Variants in LTF observed in about 807,000 individuals in gnomAD.
LTF encodes the protein epididymis luminal protein 110.
A neutral mutation model predicts 87.2 loss-of-function variants in LTF; 91 were observed. The observed-to-expected ratio is 1.04, with a 90% confidence interval of 0.88 to 1.24. LTF has a LOEUF of 1.24. Among genes scored for constraint, LTF ranks in the 50% most tolerant of loss-of-function variants. LTF has a pLI of 0.00. For missense variants in LTF, 901 were observed against 904.3 expected (o/e 1.00, Z 0.05); for synonymous variants, 378 against 356.1 (o/e 1.06, Z -0.69).
chr3:46,481,643 C>T (rs963321331), intron 1 of LTF, among the ~76,000 whole-genome samples: 1 of 152,090 alleles, frequency 6.6e-6, no homozygotes, highest in Non-Finnish European at 1.5e-5. Flanking sequence ...CATAGCTACT[C>T]GGGAGGCTGA....
rs1350854209 is a variant in LTF at position 46,448,885 on chromosome 3, T to C, written c.1190A>G (p.Glu397Gly). Residue 397 changes from glutamate to glycine, a missense_variant, in exon 9 of 17, where the codon GAG (glutamate) becomes GGG (glycine). By Grantham distance (98) the Glu-to-Gly change is moderately conservative. Coordinates refer to ENST00000231751, the MANE Select transcript of LTF (RefSeq NM_002343.6). The part of the protein sequence containing the change: ...SVTCSSASTT[E>G]DCIALVLKGE... ...TACCAGCACCAGGGCGATGCAGTCC[T>C]CTGTGGTGGAGGCCGAGGAGCAGGT... The C allele has an allele frequency of 1.4e-5, 22 of 1,613,554 alleles. No homozygotes were observed. Among genetic ancestry groups the C allele is most frequent in the Non-Finnish European group, 1.9e-5 (22 of 1,179,862 alleles).
intron 1 of LTF, chr3:46,463,671 C>CATGA: frequency 2.0e-6 from 2 of 985,252 alleles, no homozygotes; most frequent in Non-Finnish European, 2.4e-6. Flanking sequence ...GAATCCTGGA[C>CATGA]CACAGCCCAT....
intron 15 of LTF, 58 bp downstream of exon 15, chr3:46,439,238 C>CCTAG: frequency 1.3e-6 from 2 of 1,515,054 alleles, no homozygotes. Context: ...TCTGTGATCT[C>CCTAG]CTCACCTAAC....
At chr3:46,439,197 A>G (rs1702455087) in intron 15 of LTF, 99 bp downstream of exon 15, 2 of 1,150,266 alleles carry the variant, frequency 1.7e-6, no homozygotes, top group African/African-American at 1.6e-5. Flanking sequence ...GTAGAGGACT[A>G]GAGAGGATCG....
chr3:46,436,263 C>T (rs1451466528), intron 16 of LTF, 34 bp from the exon 17 acceptor site: 2 of 1,593,670 alleles, frequency 1.3e-6, no homozygotes, highest in South Asian at 1.1e-5. Flanking sequence ...GATTCAGAAA[C>T]TGATTTCTTC....
chr3:46,478,185 C>A (rs948729131), intron 1 of LTF, among the ~76,000 whole-genome samples: 5 of 152,158 alleles, frequency 3.3e-5, no homozygotes, highest in Non-Finnish European at 7.4e-5. Context: ...ACCATCATGC[C>A]CTCTTCCCGC....
rs1182677003 is a variant in LTF, at chr3:46,482,716, G to GGA, written c.-320+2269_-320+2270insTC. Among the ~76,000 whole-genome samples, 24 of 89,890 alleles carry GGA rather than the reference G, an allele frequency of 2.7e-4. 1 individual carries two copies. The highest frequency in any genetic ancestry group is 7.4e-4 in the African/African-American group (14 of 18,930). The allele number at this position is 89,890 out of a possible 152,430, so 59.0% of individuals were successfully genotyped here. On this transcript the variant is annotated intron_variant, in intron 1 of 19. Transcript: ENST00000443496. ...GGAAGGAAGGAAGGAAAGAAAGAAA[G>GGA]AGAAAGAAAGGAAGGAAGGAAGGAA...
chr3:46,448,990 G>A lies in LTF; in HGVS notation c.1085C>T (p.Ala362Val), dbSNP rs774481814. ...GCCCACCGCACACCACACGACCCGC[G>A]CACGCCGGGCAGCCACTTCCTCCTC... is the stretch of plus-strand genomic sequence containing the variant. Reference protein sequence around the residue: ...KSEEEVAARRARVVWCAVGEQ... With the variant: ...KSEEEVAARRVRVVWCAVGEQ... The change falls in exon 9 of 17, where the codon GCG (alanine) becomes GTG (valine). Residue 362 changes from alanine (A) to valine (V), a missense_variant. Coordinates refer to ENST00000231751, the MANE Select transcript of LTF (RefSeq NM_002343.6). The A allele has an allele frequency of 3.1e-6, 5 of 1,610,274 alleles. No individual in the cohort carries two copies. Among genetic ancestry groups the A allele is most frequent in the Non-Finnish European group, 4.2e-6 (5 of 1,178,614 alleles).
At chr3:46,451,429 A>C (rs1702799240) in intron 6 of LTF, among the ~76,000 whole-genome samples, 1 of 152,264 alleles carries the variant, frequency 6.6e-6, no homozygotes, top group African/African-American at 2.4e-5. Context: ...TTAACAAAAG[A>C]ATGGCTGAAC....
chr3:46,477,193 T>A (rs1054718008), intron 1 of LTF, among the ~76,000 whole-genome samples: 2 of 152,240 alleles, frequency 1.3e-5, no homozygotes, highest in Non-Finnish European at 2.9e-5. Context: ...TTTCAGCCAC[T>A]CTGTTTGGGA....
At chr3:46,464,765 G>A (rs1703171942) in intron 1 of LTF, 60 bp downstream of exon 1, 9 of 1,589,128 alleles carry the variant, frequency 5.7e-6, no homozygotes, top group Non-Finnish European at 7.8e-6. Context: ...AAAGCGCCTA[G>A]CAGACAGGGC....
At chr3:46,478,393 C>T (rs1703389120) in intron 1 of LTF, among the ~76,000 whole-genome samples, 1 of 152,188 alleles carries the variant, frequency 6.6e-6, no homozygotes, top group Non-Finnish European at 1.5e-5. Flanking sequence ...TCAGTCACTT[C>T]CCCAGAGGCT....
intron 1 of LTF, among the ~76,000 whole-genome samples, chr3:46,477,794 G>A (rs1369517186): frequency 1.3e-5 from 2 of 152,306 alleles, no homozygotes; most frequent in Non-Finnish European, 2.9e-5. Context: ...AACTATTATT[G>A]TTATTGTTTC....
At chr3:46,480,933 A>G (rs2106928978) in intron 1 of LTF, among the ~76,000 whole-genome samples, 2 of 152,244 alleles carry the variant, frequency 1.3e-5, no homozygotes, top group South Asian at 4.1e-4. Flanking sequence ...GACACATAAA[A>G]GACAGCAGCC....
intron 1 of LTF, among the ~76,000 whole-genome samples, chr3:46,462,356 C>T (rs1703102670): frequency 6.6e-6 from 1 of 152,158 alleles, no homozygotes; most frequent in South Asian, 2.1e-4. Context: ...CCATTAGTTG[C>T]CACAGCTCCT....
intron 1 of LTF, chr3:46,460,504 A>G (rs572611639): frequency 4.7e-5 from 21 of 449,318 alleles, no homozygotes; most frequent in South Asian, 3.2e-4. Context: ...TCTTCTTTTG[A>G]GCCTGCTTTT....
intron 1 of LTF, among the ~76,000 whole-genome samples, chr3:46,461,501 A>C (rs1012930557): frequency 1.3e-5 from 2 of 152,254 alleles, no homozygotes; most frequent in African/African-American, 4.8e-5. Context: ...AACGAGCCTC[A>C]GTTATGCTCA....
intron 6 of LTF, 68 bp downstream of exon 6, chr3:46,454,237 A>G: frequency 2.1e-6 from 2 of 936,630 alleles, no homozygotes; most frequent in Non-Finnish European, 2.9e-6. Context: ...TAATTAGCTC[A>G]AAGGTCAGAG....
rs146002167 is a variant in LTF, at chr3:46,446,451, C to T, written c.1346G>A (p.Arg449Lys). ...TAATGCCAACTCACCTTCCACAGGT[C>T]TATCCACACAGTTAGGATCAGGGTC... ...SSDPDPNCVD[R>K]PVEGYLAVAV... The change falls in exon 11 of 17, where the codon AGA (arginine) becomes AAA (lysine). Residue 449 changes from arginine (R) to lysine (K), a missense_variant. Coordinates refer to ENST00000231751, the MANE Select transcript of LTF (RefSeq NM_002343.6). The T allele has an allele frequency of 1.0e-3, 1,683 of 1,613,642 alleles. 1 individual carries two copies. Among genetic ancestry groups the T allele is most frequent in the Non-Finnish European group, 1.3e-3 (1,563 of 1,179,724 alleles).
Sources: gnomAD v4.1 joint callset for allele counts (sites outside exome capture counted in the v4.1 genomes callset) on GRCh38, gnomAD v4.1.1 for gene constraint, MANE v1.5 for transcripts, NCBI Gene and HGNC (gene_info 2026-07-23, HGNC 2026-07-21) for gene names.